The following TDP1 variants were observed in gnomAD, a reference collection of about 807,000 sequenced individuals.
TDP1 encodes tyrosyl-DNA phosphodiesterase 1.
TDP1 carries 64 observed loss-of-function variants against 81.5 expected under a neutral mutation model. That is an observed-to-expected ratio of 0.79 (90% CI 0.64 to 0.97). The LOEUF (loss-of-function observed/expected upper bound fraction) is 0.97, where lower values mean the gene tolerates loss of function less well. Ranked by LOEUF, TDP1 falls within the 50% of genes least tolerant of loss-of-function variation. TDP1 has a pLI of 0.00. For missense variants in TDP1, 723 were observed against 743.8 expected, an observed-to-expected ratio of 0.97 and a Z score of 0.33; for synonymous variants, 256 against 264.3, an observed-to-expected ratio of 0.97 and a Z score of 0.30.
intron 16 of TDP1, among the ~76,000 whole-genome samples, chr14:90,042,573 T>A (rs924644000): frequency 6.6e-6 from 1 of 152,160 alleles, no homozygotes; most frequent in African/African-American, 2.4e-5. Flanking sequence ...GAGGTTTAAT[T>A]GACTCATAGT....
At position 90,008,035 on chromosome 14, in the gene TDP1, G is replaced by A. The variant is rs34350723; in HGVS notation, c.1542-11281G>A. ...TGTTTTTAAGATTTTCTTTATATTT[G>A]GTATTCTTCAGTTTAGCTACGATGG... On this transcript the variant is annotated intron_variant, in intron 14 of 16. Transcript: ENST00000335725. 3.9e-3 allele frequency among the ~76,000 whole-genome samples: 586 copies of A among 152,082 alleles called. 2 individuals carry two copies. The highest frequency in any genetic ancestry group is 0.014 in the African/African-American group (566 of 41,476).
chr14:89,959,586 T>A (rs541649378), intron 2 of TDP1, among the ~76,000 whole-genome samples: 1 of 152,222 alleles, frequency 6.6e-6, no homozygotes, highest in African/African-American at 2.4e-5. Flanking sequence ...TCAGGCATAT[T>A]TTTGAGTTTC....
chr14:89,962,291 C>A (rs1892416403), intron 2 of TDP1, among the ~76,000 whole-genome samples: 1 of 152,026 alleles, frequency 6.6e-6, no homozygotes, highest in Non-Finnish European at 1.5e-5. Flanking sequence ...ATTTGGCTTT[C>A]CTCTTGAAGA....
At position 90,027,708 on chromosome 14, in the gene TDP1, T is replaced by G. The variant is rs1001988372; in HGVS notation, c.1645-5398T>G. On this transcript the variant is annotated intron_variant, in intron 15 of 16. Transcript: ENST00000335725. ...GAAGTGAGACAGAGAGGAGCTAGGA[T>G]CCTGCTTACAAGCTGTGTTAGATTT... 5.9e-5 allele frequency among the ~76,000 whole-genome samples: 9 copies of G among 152,188 alleles called. No homozygotes were observed. The East Asian group carries it at 1.3e-3, about 23-fold the overall frequency.
intron 14 of TDP1, among the ~76,000 whole-genome samples, chr14:89,998,374 ATATATATATAT>A (rs1896830383): frequency 3.2e-4 from 1 of 3,156 alleles, no homozygotes; most frequent in African/African-American, 4.6e-4. Flanking sequence ...CAAGCACATT[ATATATATATAT>A]ATATATATAT....
intron 2 of TDP1, among the ~76,000 whole-genome samples, chr14:89,960,285 C>T (rs1204297412): frequency 6.6e-6 from 1 of 151,152 alleles, no homozygotes; most frequent in Non-Finnish European, 1.5e-5. Flanking sequence ...GTTTTTTTTT[C>T]AAACCGGAAG....
At chr14:89,984,038 T>A (rs1596553550) in intron 8 of TDP1, 1 of 830,458 alleles carries the variant, frequency 1.2e-6, no homozygotes, top group East Asian at 1.2e-4. Context: ...ACTTTTGGTA[T>A]AGATAACACA....
chr14:89,962,721 A>C (rs1388530126), intron 2 of TDP1, among the ~76,000 whole-genome samples: 1 of 151,968 alleles, frequency 6.6e-6, no homozygotes, highest in Non-Finnish European at 1.5e-5. Context: ...AGAAAAAAAA[A>C]ATTAGCCAGA....
At chr14:89,990,951 C>G (rs1264044723) in intron 12 of TDP1, among the ~76,000 whole-genome samples, 3 of 152,138 alleles carry the variant, frequency 2.0e-5, no homozygotes, top group Non-Finnish European at 4.4e-5. Flanking sequence ...TTTCTTTATT[C>G]TCTTTGCAAG....
At chr14:89,959,040 T>C (rs192534759) in intron 2 of TDP1, among the ~76,000 whole-genome samples, 21 of 152,322 alleles carry the variant, frequency 1.4e-4, no homozygotes, top group Admixed American at 3.9e-4. Flanking sequence ...ACACTACAAC[T>C]TTCTTCTTGA....
rs1020208239 is a variant in TDP1, at chr14:90,044,756, G to A, written c.*1613G>A. The A allele has an allele frequency of 2.0e-5, 3 of 152,160 alleles. No individual in the cohort carries two copies. Among genetic ancestry groups the A allele is most frequent in the Non-Finnish European group, 2.9e-5 (2 of 68,048 alleles). 9.4% of individuals were successfully genotyped at this position (152,160 alleles called of 1,614,324 possible). ...TGCTTTTTTTAAATAAACTTGAAAA[G>A]CTACTGAACTAATTTAACCAGTTGA... is the stretch of plus-strand genomic sequence containing the variant. On this transcript the variant is annotated 3_prime_UTR_variant, in exon 17 of 17. Transcript: ENST00000335725.
chr14:89,976,231 G>A (rs562663831), intron 7 of TDP1, among the ~76,000 whole-genome samples: 22 of 150,890 alleles, frequency 1.5e-4, no homozygotes, highest in Non-Finnish European at 2.2e-4. Context: ...TCAGCCTCCC[G>A]AGCAGCTGGG....
chr14:90,009,873 A>G (rs975848339), intron 14 of TDP1, among the ~76,000 whole-genome samples: 2 of 152,376 alleles, frequency 1.3e-5, no homozygotes, highest in South Asian at 4.1e-4. Flanking sequence ...AAAGGCACCA[A>G]TGTAATTCAG....
chr14:90,013,079 A>G, intron 14 of TDP1, among the ~76,000 whole-genome samples: 1 of 152,240 alleles, frequency 6.6e-6, no homozygotes, highest in Admixed American at 6.5e-5. Context: ...CATTGTATTT[A>G]GGAAGTAACT....
chr14:89,997,561 T>G (rs145092307), intron 14 of TDP1, among the ~76,000 whole-genome samples: 185 of 152,338 alleles, frequency 1.2e-3, no homozygotes, highest in African/African-American at 4.3e-3. Flanking sequence ...ACATATAGTA[T>G]GTTTTGGAGT....
At position 90,034,014 on chromosome 14, in the gene TDP1, CTA is replaced by C. The variant is rs571972476; in HGVS notation, c.1753+802_1753+803del. The stretch of plus-strand genomic sequence containing the variant: ...CCCAGGAGTTTGAGGCTGCAGTGAG[CTA>C]TGATTGAGCCACTGCACTCCAGCCT... On this transcript the variant is annotated intron_variant, in intron 16 of 16. Transcript: ENST00000335725. Among the ~76,000 whole-genome samples the C allele has an allele frequency of 1.7e-4, 26 of 152,112 alleles. 1 individual carries two copies. The East Asian group carries it at 3.9e-3, about 23-fold the overall frequency.
At chr14:90,034,089 T>C (rs552989972) in intron 16 of TDP1, among the ~76,000 whole-genome samples, 2 of 152,210 alleles carry the variant, frequency 1.3e-5, no homozygotes, top group South Asian at 2.1e-4. Flanking sequence ...AAAGTTCTTA[T>C]GACAATTTCC....
intron 16 of TDP1, among the ~76,000 whole-genome samples, chr14:90,034,838 C>T (rs1351963246): frequency 2.6e-5 from 4 of 152,322 alleles, no homozygotes; most frequent in African/African-American, 9.6e-5. Context: ...CTTGGCCTTG[C>T]CCAGTGGTTC....
intron 12 of TDP1, 152 bp downstream of exon 12, chr14:89,989,917 C>G: frequency 1.4e-6 from 1 of 705,740 alleles, no homozygotes; most frequent in Non-Finnish European, 2.6e-6. Context: ...CTCTGCATTC[C>G]GCAGATGATA....
Sources: allele counts gnomAD v4.1 joint callset (sites outside exome capture counted in the v4.1 genomes callset), GRCh38; gene constraint gnomAD v4.1.1; transcripts MANE v1.5; gene names NCBI Gene and HGNC (gene_info 2026-07-23, HGNC 2026-07-21).